ITGA1: variants seen among roughly 807,000 people sequenced by gnomAD.
ITGA1 encodes the protein integrin alpha-1.
Under a neutral mutation model 145.9 loss-of-function variants are expected in ITGA1, and 85 were observed. That is an observed-to-expected ratio of 0.58 (90% CI 0.49 to 0.70). The LOEUF is 0.70. Among genes scored for constraint, ITGA1 ranks in the 30% least tolerant of loss-of-function variants. The pLI is 0.00. For missense variants in ITGA1, 1,351 were observed against 1,418.7 expected, an observed-to-expected ratio of 0.95 and a Z score of 0.77; for synonymous variants, 520 against 495.3, an observed-to-expected ratio of 1.05 and a Z score of -0.66.
chr5:52,810,020 T>A (rs1438980675), intron 1 of ITGA1, among the ~76,000 whole-genome samples: 1 of 141,100 alleles, frequency 7.1e-6, no homozygotes, highest in East Asian at 2.0e-4. Context: ...AACCTTTGTA[T>A]AATAGTATCC....
intron 11 of ITGA1, among the ~76,000 whole-genome samples, chr5:52,899,786 A>C (rs1016500936): frequency 6.6e-6 from 1 of 152,212 alleles, no homozygotes; most frequent in Non-Finnish European, 1.5e-5. Context: ...AATTCATTTC[A>C]AATTTTAGCA....
intron 2 of ITGA1, among the ~76,000 whole-genome samples, chr5:52,854,236 C>T (rs1373566468): frequency 6.6e-6 from 1 of 152,102 alleles, no homozygotes; most frequent in African/African-American, 2.4e-5. Context: ...TGATTGATGC[C>T]CTATTTCCAA....
intron 1 of ITGA1, among the ~76,000 whole-genome samples, chr5:52,829,316 A>G (rs1251848920): frequency 6.6e-6 from 1 of 152,176 alleles, no homozygotes; most frequent in Admixed American, 6.6e-5. Context: ...ACTTTAGGCC[A>G]GGAGTTCAAG....
chr5:52,923,037 T>A, intron 18 of ITGA1, 150 bp downstream of exon 18: 1 of 591,076 alleles, frequency 1.7e-6, no homozygotes. Flanking sequence ...ATTTTATTCC[T>A]GGTCAGGAAT....
Position 52,905,804 on chromosome 5 carries a change from C to G in ITGA1, c.1351C>G (p.Leu451Val). The stretch of plus-strand genomic sequence containing the variant: ...TGCTACTGCTTCTTCTGGAGATGTG[C>G]TCTATATTGCTGGACAGCCTCGGTA... Reference protein sequence around the residue: ...NSATASSGDVLYIAGQPRYNH... With the variant: ...NSATASSGDVVYIAGQPRYNH... Residue 451 changes from leucine to valine, a missense_variant, in exon 12 of 29, where the codon CTC becomes GTC. By Grantham distance (32) the Leu-to-Val change is conservative. Coordinates refer to ENST00000282588, the MANE Select transcript of ITGA1 (RefSeq NM_181501.2). The G allele has an allele frequency of 6.2e-7, 1 of 1,613,576 alleles. No individual in the cohort carries two copies. The highest frequency in any genetic ancestry group is 8.5e-7 in the Non-Finnish European group (1 of 1,179,712).
chr5:52,871,351 C>T (rs947164013), intron 6 of ITGA1, among the ~76,000 whole-genome samples: 6 of 151,984 alleles, frequency 3.9e-5, no homozygotes, highest in Non-Finnish European at 7.4e-5. Flanking sequence ...TTTATCTTTC[C>T]ATCTAGGGAT....
intron 21 of ITGA1, 53 bp downstream of exon 21, chr5:52,929,754 G>GTGTATGTCGAATATTTTGC: frequency 1.1e-6 from 1 of 949,312 alleles, no homozygotes; most frequent in Non-Finnish European, 1.6e-6. Flanking sequence ...TGCTTCTTCT[G>GTGTATGTCGAATATTTTGC]TGTATGTCGA....
intron 2 of ITGA1, among the ~76,000 whole-genome samples, chr5:52,851,355 T>G (rs1320646395): frequency 6.6e-6 from 1 of 152,182 alleles, no homozygotes; most frequent in African/African-American, 2.4e-5. Flanking sequence ...TTTGATCTCT[T>G]TAGTCACTGT....
chr5:52,857,141 G>A (rs1561228658), intron 2 of ITGA1, among the ~76,000 whole-genome samples: 1 of 152,102 alleles, frequency 6.6e-6, no homozygotes, highest in South Asian at 2.1e-4. Flanking sequence ...TTCAATGGGT[G>A]GAAAAACAGA....
chr5:52,826,755 C>A (rs1351213101), intron 1 of ITGA1, among the ~76,000 whole-genome samples: 2 of 152,194 alleles, frequency 1.3e-5, no homozygotes, highest in Non-Finnish European at 2.9e-5. Flanking sequence ...CTGTTTACAG[C>A]ATAGTTAACT....
chr5:52,842,113 G>A (rs1749263573), intron 1 of ITGA1, among the ~76,000 whole-genome samples: 1 of 152,176 alleles, frequency 6.6e-6, no homozygotes, highest in African/African-American at 2.4e-5. Flanking sequence ...CTTAAAATAG[G>A]TTAGAGGGGA....
At chr5:52,866,847 G>A (rs896538294) in intron 6 of ITGA1, among the ~76,000 whole-genome samples, 3 of 152,002 alleles carry the variant, frequency 2.0e-5, no homozygotes, top group African/African-American at 7.3e-5. Flanking sequence ...TTAAAATACA[G>A]GGCAGACATA....
intron 22 of ITGA1, chr5:52,932,713 A>G (rs569204228): frequency 2.0e-5 from 3 of 152,306 alleles, no homozygotes; most frequent in African/African-American, 7.2e-5. Flanking sequence ...TGCCAAATAA[A>G]CATGTGCAAT....
intron 14 of ITGA1, among the ~76,000 whole-genome samples, chr5:52,911,292 C>G (rs1375240369): frequency 7.9e-6 from 1 of 126,612 alleles, no homozygotes; most frequent in African/African-American, 2.9e-5. Flanking sequence ...ATAGTATATA[C>G]AGTGTATATA....
intron 1 of ITGA1, among the ~76,000 whole-genome samples, chr5:52,805,296 A>G (rs377648890): frequency 7.2e-5 from 11 of 152,178 alleles, no homozygotes; most frequent in African/African-American, 2.4e-4. Flanking sequence ...GCTAAACTGC[A>G]TTTCACAAAT....
At chr5:52,850,509 A>G (rs1232290000) in intron 2 of ITGA1, among the ~76,000 whole-genome samples, 1 of 152,184 alleles carries the variant, frequency 6.6e-6, no homozygotes, top group African/African-American at 2.4e-5. Flanking sequence ...AATAAGCAAA[A>G]AGAGATTTAT....
intron 11 of ITGA1, chr5:52,904,233 T>A (rs1750361743): frequency 6.6e-6 from 1 of 152,238 alleles, no homozygotes; most frequent in South Asian, 2.1e-4. Context: ...AAGGTTTGTA[T>A]GTAGAGTCTC....
In ITGA1 at chr5:52,842,545, G is replaced by T. The variant is rs892672838; in HGVS notation, c.62-6820G>T. Among the ~76,000 whole-genome samples, 4 of 152,192 alleles carry T rather than the reference G, an allele frequency of 2.6e-5. No individual in the cohort carries two copies. The East Asian group carries it at 7.7e-4, about 29-fold the overall frequency. On this transcript the variant is annotated intron_variant, in intron 1 of 28. Coordinates refer to ENST00000282588, the MANE Select transcript of ITGA1 (RefSeq NM_181501.2). ...TACGAAATCAGTTAGCTCATTTTTT[G>T]ATTATTCTCTTTTGCTAAATGCATA...
In ITGA1 at chr5:52,905,843, C is replaced by T; in HGVS notation, c.1390C>T (p.Gln464Ter). ...AGQPRYNHTG[Q>*]VIIYRMEDGN... ...ACAGCCTCGGTACAATCATACAGGC[C>T]AGGTCATTATCTACAGGATGGAAGA... The change falls in exon 12 of 29, where the codon CAG becomes TAG. Residue 464 changes from glutamine to a stop codon, truncating the protein, a stop_gained. Transcript: ENST00000282588. LOFTEE classifies it high-confidence loss of function. The T allele has an allele frequency of 6.2e-7, 1 of 1,613,636 alleles. No individual in the cohort carries two copies. The highest frequency in any genetic ancestry group is 8.5e-7 in the Non-Finnish European group (1 of 1,179,744).
Sources: gnomAD v4.1 joint callset for allele counts (sites outside exome capture counted in the v4.1 genomes callset) on GRCh38, gnomAD v4.1.1 for gene constraint, MANE v1.5 for transcripts, NCBI Gene and HGNC (gene_info 2026-07-23, HGNC 2026-07-21) for gene names.